The following LRP1B variants were observed in gnomAD, a reference collection of about 807,000 sequenced individuals.
LRP1B encodes LDL receptor related protein 1B.
Under a neutral mutation model 556.6 loss-of-function variants are expected in LRP1B, and 217 were observed. That is an observed-to-expected ratio of 0.39 (90% CI 0.35 to 0.44). The LOEUF (loss-of-function observed/expected upper bound fraction) is 0.44. LRP1B is among the 20% of genes least tolerant of loss of function. The pLI is 1.00. For missense variants in LRP1B, 5,053 were observed against 5,620.8 expected (o/e 0.90, Z 3.23); for synonymous variants, 2,047 against 1,865.8 (o/e 1.10, Z -2.50).
intron 1 of LRP1B, among the ~76,000 whole-genome samples, chr2:142,103,206 TTAAAA>T (rs1706626200): frequency 1.3e-5 from 2 of 152,020 alleles, no homozygotes; most frequent in Non-Finnish European, 2.9e-5. Context: ...TTCATCTAGA[TTAAAA>T]TAATCATGCA....
chr2:141,853,722 G>T (rs1479896358), intron 1 of LRP1B, among the ~76,000 whole-genome samples: 1 of 151,870 alleles, frequency 6.6e-6, no homozygotes, highest in East Asian at 1.9e-4. Flanking sequence ...CTACTATAAA[G>T]TGACATCTCT....
intron 2 of LRP1B, among the ~76,000 whole-genome samples, chr2:141,809,309 G>A (rs1042065589): frequency 6.6e-6 from 1 of 152,018 alleles, no homozygotes; most frequent in Non-Finnish European, 1.5e-5. Flanking sequence ...ACTTGTAAAT[G>A]GAAAGATGAA....
chr2:140,886,748 A>G (rs775427873), intron 23 of LRP1B, among the ~76,000 whole-genome samples: 17 of 152,146 alleles, frequency 1.1e-4, no homozygotes, highest in Non-Finnish European at 1.9e-4. Context: ...TAACAGATCC[A>G]TAGAGGAGAA....
intron 35 of LRP1B, among the ~76,000 whole-genome samples, chr2:140,762,457 A>T (rs1688959849): frequency 6.6e-6 from 1 of 151,784 alleles, no homozygotes; most frequent in African/African-American, 2.4e-5. Context: ...TAAGTGTGCA[A>T]CAAATATTAA....
chr2:141,017,787 G>A (rs917018825), intron 12 of LRP1B, among the ~76,000 whole-genome samples: 1 of 151,704 alleles, frequency 6.6e-6, no homozygotes, highest in African/African-American at 2.4e-5. Flanking sequence ...TTGAGCCCAG[G>A]AGTTTGAGAC....
intron 80 of LRP1B, 54 bp downstream of exon 80, chr2:140,325,708 G>C: frequency 8.5e-7 from 1 of 1,174,778 alleles, no homozygotes. Flanking sequence ...TTTTGTATTA[G>C]TATTTAACAC....
intron 3 of LRP1B, among the ~76,000 whole-genome samples, chr2:141,366,529 C>T (rs1021090956): frequency 6.6e-6 from 1 of 152,174 alleles, no homozygotes; most frequent in Non-Finnish European, 1.5e-5. Context: ...CCATTAATTT[C>T]AGATATTGCA....
chr2:140,342,318 T>A (rs1368474543), intron 77 of LRP1B, among the ~76,000 whole-genome samples: 1 of 151,298 alleles, frequency 6.6e-6, no homozygotes, highest in Non-Finnish European at 1.5e-5. Context: ...ATAAAAATAT[T>A]TACTATTCAG....
At chr2:140,245,842 A>G (rs1681136761) in intron 87 of LRP1B, among the ~76,000 whole-genome samples, 1 of 151,402 alleles carries the variant, frequency 6.6e-6, no homozygotes, top group African/African-American at 2.4e-5. Flanking sequence ...ATATGCTCAT[A>G]GCTTCCCTAT....
chr2:142,066,008 G>A (rs1559051642), intron 1 of LRP1B, among the ~76,000 whole-genome samples: 1 of 151,204 alleles, frequency 6.6e-6, no homozygotes, highest in East Asian at 2.0e-4. Flanking sequence ...ACAGACACAG[G>A]ATAACAATTA....
intron 7 of LRP1B, among the ~76,000 whole-genome samples, chr2:141,149,472 G>A (rs1701867669): frequency 6.6e-6 from 1 of 152,180 alleles, no homozygotes; most frequent in Non-Finnish European, 1.5e-5. Context: ...TATTTCAAGT[G>A]AGAGAAGACG....
At chr2:141,997,614 C>G (rs1026754458) in intron 1 of LRP1B, among the ~76,000 whole-genome samples, 3 of 149,100 alleles carry the variant, frequency 2.0e-5, no homozygotes, top group Admixed American at 6.7e-5. Context: ...TCCCAAAGTG[C>G]TGGGATTATA....
At chr2:140,383,349 T>C (rs377160718) in intron 67 of LRP1B, among the ~76,000 whole-genome samples, 3 of 151,862 alleles carry the variant, frequency 2.0e-5, no homozygotes, top group African/African-American at 7.3e-5. Context: ...TAGATAACAA[T>C]TGCAAATATC....
chr2:141,470,327 C>G (rs557014793), intron 3 of LRP1B, among the ~76,000 whole-genome samples: 1 of 152,290 alleles, frequency 6.6e-6, no homozygotes, highest in South Asian at 2.1e-4. Context: ...AAGGGATAAG[C>G]TACTAGTAAG....
At chr2:142,070,477 C>T (rs556924911) in intron 1 of LRP1B, among the ~76,000 whole-genome samples, 1 of 151,978 alleles carries the variant, frequency 6.6e-6, no homozygotes, top group East Asian at 1.9e-4. Flanking sequence ...AACTGCTTCA[C>T]ACTTTTTCTT....
intron 3 of LRP1B, among the ~76,000 whole-genome samples, chr2:141,260,268 T>C (rs184033090): frequency 2.0e-5 from 3 of 152,338 alleles, no homozygotes; most frequent in Non-Finnish European, 2.9e-5. Flanking sequence ...TACATCCACA[T>C]TGAATTTGCT....
At chr2:141,464,604 A>ATTTTTTTT (rs1415837703) in intron 3 of LRP1B, among the ~76,000 whole-genome samples, 3 of 72,784 alleles carry the variant, frequency 4.1e-5, no homozygotes, top group Non-Finnish European at 8.7e-5. Flanking sequence ...ATATATATAT[A>ATTTTTTTT]TATTTTTTTA....
At chr2:141,755,644 CA>C (rs1389364388) in intron 2 of LRP1B, among the ~76,000 whole-genome samples, 6 of 151,878 alleles carry the variant, frequency 4.0e-5, no homozygotes, top group African/African-American at 1.4e-4. Context: ...TTTTAAACTA[CA>C]AATGTTATTA....
intron 77 of LRP1B, among the ~76,000 whole-genome samples, chr2:140,345,757 T>TAC (rs1681626431): frequency 1.6e-5 from 2 of 123,398 alleles, no homozygotes; most frequent in South Asian, 2.3e-4. Context: ...TACACATATA[T>TAC]ACATATATAC....
Sources: gnomAD v4.1 joint callset for allele counts (sites outside exome capture counted in the v4.1 genomes callset) on GRCh38, gnomAD v4.1.1 for gene constraint, MANE v1.5 for transcripts, NCBI Gene and HGNC (gene_info 2026-07-23, HGNC 2026-07-21) for gene names.